The following PARPBP variants were observed in gnomAD, a reference collection of about 807,000 sequenced individuals.
The protein encoded by PARPBP is PCNA-interacting partner.
In PARPBP, 52 loss-of-function variants were observed where a neutral mutation model predicts 50.0. The ratio of observed to expected loss-of-function variants is 1.04; its 90% CI spans 0.83 to 1.31. The LOEUF (loss-of-function observed/expected upper bound fraction) is 1.31, where lower values mean the gene tolerates loss of function less well. PARPBP is among the 50% of genes most tolerant of loss of function. The pLI is 0.00. For missense variants in PARPBP, 697 were observed against 672.0 expected, an observed-to-expected ratio of 1.04 and a Z score of -0.41; for synonymous variants, 244 against 232.1, an observed-to-expected ratio of 1.05 and a Z score of -0.47.
intron 3 of PARPBP, among the ~76,000 whole-genome samples, chr12:102,149,274 C>T (rs1450611995): frequency 3.9e-5 from 6 of 152,116 alleles, no homozygotes; most frequent in African/African-American, 1.4e-4. Flanking sequence ...TAGAAACCTC[C>T]ACTACAATAG....
intron 4 of PARPBP, among the ~76,000 whole-genome samples, chr12:102,163,105 A>C (rs1464337558): frequency 6.6e-6 from 1 of 152,246 alleles, no homozygotes; most frequent in Non-Finnish European, 1.5e-5. Flanking sequence ...AATTATTGAA[A>C]AGACTGTCTT....
intron 2 of PARPBP, among the ~76,000 whole-genome samples, chr12:102,141,898 T>A (rs1313024707): frequency 1.3e-5 from 2 of 152,196 alleles, no homozygotes. Context: ...ACCTGACCTT[T>A]CTCTCTGGCT....
intron 9 of PARPBP, among the ~76,000 whole-genome samples, chr12:102,186,246 A>G (rs944580427): frequency 1.3e-5 from 2 of 151,824 alleles, no homozygotes; most frequent in South Asian, 2.1e-4. Flanking sequence ...TGTTGATTTT[A>G]TCTTATCAAA....
At chr12:102,180,749 C>A in intron 8 of PARPBP, among the ~76,000 whole-genome samples, 1 of 152,174 alleles carries the variant, frequency 6.6e-6, no homozygotes, top group East Asian at 1.9e-4. Context: ...TGTCACTGAA[C>A]ACATTGCTAT....
At position 102,148,212 on chromosome 12, in the gene PARPBP, TGG is replaced by T; in HGVS notation, c.154-17_154-16del. 1.9e-6 allele frequency: 2 copies of T among 1,039,916 alleles called. No homozygotes were observed. Among genetic ancestry groups the T allele is most frequent in the Non-Finnish European group, 1.4e-6 (1 of 718,398 alleles). The allele number at this position is 1,039,916 out of a possible 1,614,324, so 64.4% of individuals were successfully genotyped here. Reference sequence around the variant, plus strand: ...TACCCAACTTTATTTTTTTTTTTTTTGGCATTATCTTTTTCAGCACAGTGGAG... The same window carrying T: ...TACCCAACTTTATTTTTTTTTTTTTTCATTATCTTTTTCAGCACAGTGGAG... On this transcript the variant is annotated splice_polypyrimidine_tract_variant and intron_variant, in intron 2 of 10. Transcript: ENST00000327680.
chr12:102,162,098 ATATAT>A (rs1018423110), intron 4 of PARPBP, among the ~76,000 whole-genome samples: 2 of 152,176 alleles, frequency 1.3e-5, no homozygotes, highest in African/African-American at 4.8e-5. Context: ...AACAGTCAAA[ATATAT>A]TATCTTTTGA....
At chr12:102,141,888 AC>A (rs1396928038) in intron 2 of PARPBP, among the ~76,000 whole-genome samples, 1 of 152,074 alleles carries the variant, frequency 6.6e-6, no homozygotes, top group East Asian at 1.9e-4. Context: ...TTTGTGAGTA[AC>A]CTGACCTTTC....
chr12:102,163,873 A>T (rs1449217381), intron 4 of PARPBP, among the ~76,000 whole-genome samples: 1 of 152,202 alleles, frequency 6.6e-6, no homozygotes, highest in African/African-American at 2.4e-5. Flanking sequence ...TATCTTGAAC[A>T]TAATTCATAA....
rs557524982 is a variant in PARPBP, at chr12:102,124,564, T to C, written c.153+523T>C. Among the ~76,000 whole-genome samples, 272 of 152,216 alleles carry C rather than the reference T, an allele frequency of 1.8e-3. 1 individual carries two copies. The highest frequency in any genetic ancestry group is 6.3e-3 in the African/African-American group (263 of 41,522). ...AGATGAGAGAAGGATGAATGTAGGATAGAGTGGTAAGGAAAGGCTTTGTGA... is the reference window on the plus strand; with the variant it reads ...AGATGAGAGAAGGATGAATGTAGGACAGAGTGGTAAGGAAAGGCTTTGTGA... On this transcript the variant is annotated intron_variant, in intron 2 of 10. Coordinates refer to ENST00000327680, the MANE Select transcript of PARPBP (RefSeq NM_017915.5).
chr12:102,125,265 T>G (rs1304693605), intron 2 of PARPBP, among the ~76,000 whole-genome samples: 1 of 152,212 alleles, frequency 6.6e-6, no homozygotes, highest in East Asian at 1.9e-4. Flanking sequence ...CTGTAAGATA[T>G]TTAGTCTTTT....
chr12:102,161,425 T>A (rs966298911), intron 4 of PARPBP, among the ~76,000 whole-genome samples: 1 of 152,140 alleles, frequency 6.6e-6, no homozygotes. Flanking sequence ...TTTTTCTTAA[T>A]AGATTTTTAA....
intron 2 of PARPBP, among the ~76,000 whole-genome samples, chr12:102,141,073 G>T (rs1485985007): frequency 6.6e-6 from 1 of 152,136 alleles, no homozygotes; most frequent in Non-Finnish European, 1.5e-5. Context: ...ATCTAATGTT[G>T]ACAGTGGGGT....
chr12:102,132,181 G>A (rs938795909), intron 2 of PARPBP, among the ~76,000 whole-genome samples: 1 of 151,758 alleles, frequency 6.6e-6, no homozygotes, highest in Admixed American at 6.6e-5. Context: ...TTCCAGTCTG[G>A]GGGATAGCGA....
At chr12:102,125,019 G>A (rs1594425654) in intron 2 of PARPBP, among the ~76,000 whole-genome samples, 1 of 152,308 alleles carries the variant, frequency 6.6e-6, no homozygotes, top group Middle Eastern at 3.4e-3. Context: ...AACAGGGATA[G>A]TGTTTTCTAC....
rs1431804237 is a variant in PARPBP at position 102,197,094 on chromosome 12, T to G, written c.*803T>G. On this transcript the variant is annotated 3_prime_UTR_variant, in exon 11 of 11. Coordinates refer to ENST00000327680, the MANE Select transcript of PARPBP (RefSeq NM_017915.5). ...TCTCAGCTGGGAAAGCTACAGATCCTTTTAGTGCAAGATAAGGTTTTATAG... is the reference window on the plus strand; with the variant it reads ...TCTCAGCTGGGAAAGCTACAGATCCGTTTAGTGCAAGATAAGGTTTTATAG... 6.2e-7 allele frequency: 1 copy of G among 1,611,938 alleles called. No individual in the cohort carries two copies. The highest frequency in any genetic ancestry group is 2.2e-5 in the East Asian group (1 of 44,792).
At chr12:102,144,893 A>C (rs532934074) in intron 2 of PARPBP, among the ~76,000 whole-genome samples, 3 of 152,264 alleles carry the variant, frequency 2.0e-5, no homozygotes, top group African/African-American at 7.2e-5. Context: ...TGGAGAATAG[A>C]TCCAATGTTT....
intron 2 of PARPBP, among the ~76,000 whole-genome samples, chr12:102,131,271 G>A (rs1331371031): frequency 1.3e-5 from 2 of 152,232 alleles, no homozygotes; most frequent in Non-Finnish European, 2.9e-5. Context: ...ATTGCAGTAA[G>A]CTGAGATTAC....
At chr12:102,139,881 T>A (rs1006665607) in intron 2 of PARPBP, among the ~76,000 whole-genome samples, 4 of 152,224 alleles carry the variant, frequency 2.6e-5, no homozygotes, top group Non-Finnish European at 5.9e-5. Context: ...TGGATTTAGT[T>A]TGCCAGTATT....
chr12:102,133,290 A>G (rs1883140311), intron 2 of PARPBP, among the ~76,000 whole-genome samples: 1 of 152,136 alleles, frequency 6.6e-6, no homozygotes, highest in African/African-American at 2.4e-5. Flanking sequence ...AGTTTGTCAT[A>G]TATGGCCTTT....
Sources: allele counts gnomAD v4.1 joint callset (sites outside exome capture counted in the v4.1 genomes callset), GRCh38; gene constraint gnomAD v4.1.1; transcripts MANE v1.5; gene names NCBI Gene and HGNC (gene_info 2026-07-23, HGNC 2026-07-21).